The following NKAPD1 variants were observed in gnomAD, a reference collection of about 807,000 sequenced individuals.
NKAPD1 encodes the protein NKAP domain containing 1.
NKAPD1 carries 12 observed loss-of-function variants against 30.9 expected under a neutral mutation model. That is an observed-to-expected ratio of 0.39 (90% CI 0.25 to 0.63). The LOEUF is 0.63. NKAPD1 is among the 20% of genes least tolerant of loss of function. The pLI is 0.51. For missense variants in NKAPD1, 311 were observed against 344.5 expected, an observed-to-expected ratio of 0.90 and a Z score of 0.77; for synonymous variants, 91 against 113.6, an observed-to-expected ratio of 0.80 and a Z score of 1.26.
At chr11:112,080,586 A>C in intron 4 of NKAPD1, 28 bp downstream of exon 4, 1 of 1,607,960 alleles carries the variant, frequency 6.2e-7, no homozygotes, top group Non-Finnish European at 8.5e-7. Flanking sequence ...GTGAGCATTA[A>C]TATTTGGCCT....
In NKAPD1 at chr11:112,074,935, G is replaced by T. The variant is rs79945090; in HGVS notation, c.-9+19G>T. 9.9e-5 allele frequency: 16 copies of T among 161,942 alleles called. No individual in the cohort carries two copies. Among genetic ancestry groups the T allele is most frequent in the Non-Finnish European group, 2.7e-5 (2 of 74,642 alleles). 10.0% of individuals were successfully genotyped at this position (161,942 alleles called of 1,614,324 possible). A position where few individuals can be genotyped will look rare whatever the true frequency, so the allele number is the denominator to read the frequency against. On this transcript the variant is annotated intron_variant, in intron 1 of 5. Coordinates refer to ENST00000393047, the MANE Select transcript of NKAPD1 (RefSeq NM_018195.4). The stretch of plus-strand genomic sequence containing the variant: ...TCAAGGGGTGAGTGAGCGTTGGGGT[G>T]GTTGCACAAAGCTCCTGCTAGCTAC...
chr11:112,081,917 T>C, intron 4 of NKAPD1, 65 bp from the exon 5 acceptor site: 1 of 1,315,646 alleles, frequency 7.6e-7, no homozygotes, highest in East Asian at 2.3e-5. Context: ...GTCTTTCTAA[T>C]GTTGCTTTAA....
At chr11:112,079,105 G>A (rs1865390055) in intron 3 of NKAPD1, among the ~76,000 whole-genome samples, 1 of 150,794 alleles carries the variant, frequency 6.6e-6, no homozygotes, top group Non-Finnish European at 1.5e-5. Context: ...ATTCCTGCCA[G>A]CTAGACCAGT....
chr11:112,074,442 G>A lies in NKAPD1; in HGVS notation c.-483G>A, dbSNP rs1592759577. 1 of 399,120 alleles carries A rather than the reference G, an allele frequency of 2.5e-6. No individual in the cohort carries two copies. Among genetic ancestry groups the A allele is most frequent in the Admixed American group, 4.4e-5 (1 of 22,716 alleles). 24.7% of individuals were successfully genotyped at this position (399,120 alleles called of 1,614,324 possible). The stretch of plus-strand genomic sequence containing the variant: ...GAGCTCCGAGGCCGCTGGGGAACAG[G>A]GATCCCGGTGACAAAGATGGGGATA... On this transcript the variant is annotated 5_prime_UTR_variant, in exon 1 of 6. Transcript: ENST00000393047.
At chr11:112,075,005 C>G (rs576569027) in intron 1 of NKAPD1, 89 bp downstream of exon 1, 2 of 154,672 alleles carry the variant, frequency 1.3e-5, no homozygotes, top group Admixed American at 1.3e-4. Context: ...GCTTCCGTAG[C>G]AAGTAGGAAA....
Position 112,083,119 on chromosome 11 carries a change from T to C in NKAPD1, c.*147T>C. The C allele has an allele frequency of 1.3e-6, 1 of 755,174 alleles. No individual in the cohort carries two copies. The highest frequency in any genetic ancestry group is 1.9e-6 in the Non-Finnish European group (1 of 513,320). 46.8% of individuals were successfully genotyped at this position (755,174 alleles called of 1,614,324 possible). A position where few individuals can be genotyped will look rare whatever the true frequency, so the allele number is the denominator to read the frequency against. On this transcript the variant is annotated 3_prime_UTR_variant, in exon 6 of 6. Coordinates refer to ENST00000393047, the MANE Select transcript of NKAPD1 (RefSeq NM_018195.4). ...ATGTTCTGACAGACGTCTTGTCTTC[T>C]ATTTTGGCGTTAAGCTTGATCCCCT...
chr11:112,080,269 C>CTTTT (rs571411828), intron 3 of NKAPD1, 140 bp from the exon 4 acceptor site: 40 of 592,896 alleles, frequency 6.7e-5, no homozygotes, highest in South Asian at 1.1e-4. Flanking sequence ...ATGTCTTTGC[C>CTTTT]TTTTTTTTTT....
Position 112,078,309 on chromosome 11 carries a change from G to T in NKAPD1, c.164G>T (p.Ser55Ile). 6.2e-7 allele frequency: 1 copy of T among 1,608,928 alleles called. No homozygotes were observed. Among genetic ancestry groups the T allele is most frequent in the Non-Finnish European group, 8.5e-7 (1 of 1,176,664 alleles). Reference sequence around the variant, plus strand: ...ACCAAAAGGAAAATGCTACCCAGCAGTTCAAGGTGAAGTTGCAGCTCTGAG... The same window carrying T: ...ACCAAAAGGAAAATGCTACCCAGCATTTCAAGGTGAAGTTGCAGCTCTGAG... ...RGTKRKMLPS[S>I]SSRMRSDGFD... The change falls in exon 3 of 6, where the codon AGT becomes ATT. Residue 55 changes from serine (S) to isoleucine (I), a missense_variant. By Grantham distance (142) the Ser-to-Ile change is moderately radical. Transcript: ENST00000393047.
At chr11:112,078,885 A>G (rs908524926) in intron 3 of NKAPD1, among the ~76,000 whole-genome samples, 4 of 152,074 alleles carry the variant, frequency 2.6e-5, no homozygotes, top group Non-Finnish European at 4.4e-5. Flanking sequence ...CACCCTCTTC[A>G]CCAGATCAAC....
rs993804682 is a variant in NKAPD1 at position 112,083,128 on chromosome 11, G to T, written c.*156G>T. 26 of 688,690 alleles carry T rather than the reference G, an allele frequency of 3.8e-5. No homozygotes were observed. In the Admixed American group the frequency reaches 8.4e-4, roughly 22 times the overall value. The allele number at this position is 688,690 out of a possible 1,614,324, so 42.7% of individuals were successfully genotyped here. Reference sequence around the variant, plus strand: ...CAGACGTCTTGTCTTCTATTTTGGCGTTAAGCTTGATCCCCTTTTCTTGTT... The same window carrying T: ...CAGACGTCTTGTCTTCTATTTTGGCTTTAAGCTTGATCCCCTTTTCTTGTT... On this transcript the variant is annotated 3_prime_UTR_variant, in exon 6 of 6. Coordinates refer to ENST00000393047, the MANE Select transcript of NKAPD1 (RefSeq NM_018195.4).
chr11:112,074,497 AC>A lies in NKAPD1; in HGVS notation c.-423del. 1 of 398,174 alleles carries A rather than the reference AC, an allele frequency of 2.5e-6. No individual in the cohort carries two copies. Among genetic ancestry groups the A allele is most frequent in the South Asian group, 1.3e-4 (1 of 7,790 alleles). The allele number at this position is 398,174 out of a possible 1,614,324, so 24.7% of individuals were successfully genotyped here. ...CTCTGTCTTCCACTTGGAAACCTCA[AC>A]CCCCGCTTCAGGCTCCCTAGATACT... is the stretch of plus-strand genomic sequence containing the variant. On this transcript the variant is annotated 5_prime_UTR_variant, in exon 1 of 6. An upstream open reading frame in the 5' UTR loses its in-frame stop. Coordinates refer to ENST00000393047, the MANE Select transcript of NKAPD1 (RefSeq NM_018195.4).
At chr11:112,082,381 A>G (rs560296855) in intron 5 of NKAPD1, 84 bp from the exon 6 acceptor site, 5 of 1,232,078 alleles carry the variant, frequency 4.1e-6, no homozygotes, top group African/African-American at 3.1e-5. Flanking sequence ...GTTAACCTCA[A>G]TTTTTTAATC....
chr11:112,082,458 T>A lies in NKAPD1; in HGVS notation c.375-7T>A, dbSNP rs1865474491. On this transcript the variant is annotated splice_region_variant and splice_polypyrimidine_tract_variant and intron_variant, in intron 5 of 5. Transcript: ENST00000393047. ...AAAAGCTTCTATTTTTTAACTTTTC[T>A]TATTAGTAGTGATCAGCAAGATATT... The A allele has an allele frequency of 2.6e-6, 4 of 1,511,484 alleles. No homozygotes were observed. The highest frequency in any genetic ancestry group is 3.5e-6 in the Non-Finnish European group (4 of 1,132,868). The allele number at this position is 1,511,484 out of a possible 1,614,324, so 93.6% of individuals were successfully genotyped here. A position where few individuals can be genotyped will look rare whatever the true frequency, so the allele number is the denominator to read the frequency against.
At chr11:112,080,347 TTCCA>T in intron 3 of NKAPD1, 58 bp from the exon 4 acceptor site, 1 of 1,555,660 alleles carries the variant, frequency 6.4e-7, no homozygotes, top group African/African-American at 1.4e-5. Flanking sequence ...GTGCATGATG[TTCCA>T]TAAAGTAAAC....
At chr11:112,078,081 T>C (rs1455437826) in intron 2 of NKAPD1, 134 bp from the exon 3 acceptor site, 2 of 592,688 alleles carry the variant, frequency 3.4e-6, no homozygotes, top group Admixed American at 3.1e-5. Context: ...CTTGACCTCA[T>C]GATCTGCCTG....
chr11:112,082,538 A>C lies in NKAPD1; in HGVS notation c.448A>C (p.Lys150Gln), dbSNP rs746567858. 3.5e-5 allele frequency: 57 copies of C among 1,611,350 alleles called. No homozygotes were observed. Among genetic ancestry groups the C allele is most frequent in the Non-Finnish European group, 4.4e-5 (52 of 1,179,588 alleles). ...AAAGTCATCTACCCATGAATCCCGC[A>C]AACACAAGAAGTCAAAGAAATCCCA... is the stretch of plus-strand genomic sequence containing the variant. ...QVKSSTHESR[K>Q]HKKSKKSHKK... Residue 150 changes from lysine (K) to glutamine (Q), a missense_variant, in exon 6 of 6, where the codon AAA becomes CAA. Coordinates refer to ENST00000393047, the MANE Select transcript of NKAPD1 (RefSeq NM_018195.4).
At chr11:112,080,064 C>T (rs552192971) in intron 3 of NKAPD1, among the ~76,000 whole-genome samples, 1 of 152,150 alleles carries the variant, frequency 6.6e-6, no homozygotes, top group Non-Finnish European at 1.5e-5. Context: ...ATCCACTCGC[C>T]CCGGCCTCCC....
Position 112,074,428 on chromosome 11 carries a change from C to T in NKAPD1, c.-497C>T. 1 of 399,270 alleles carries T rather than the reference C, an allele frequency of 2.5e-6. No individual in the cohort carries two copies. The highest frequency in any genetic ancestry group is 4.4e-6 in the Non-Finnish European group (1 of 226,240). 24.7% of individuals were successfully genotyped at this position (399,270 alleles called of 1,614,324 possible). A position where few individuals can be genotyped will look rare whatever the true frequency, so the allele number is the denominator to read the frequency against. Reference sequence around the variant, plus strand: ...GGGAAGGTTACCGGGAGCTCCGAGGCCGCTGGGGAACAGGGATCCCGGTGA... The same window carrying T: ...GGGAAGGTTACCGGGAGCTCCGAGGTCGCTGGGGAACAGGGATCCCGGTGA... On this transcript the variant is annotated 5_prime_UTR_variant, in exon 1 of 6. Transcript: ENST00000393047.
At chr11:112,080,269 C>CTTTTT (rs571411828) in intron 3 of NKAPD1, 140 bp from the exon 4 acceptor site, 8 of 593,188 alleles carry the variant, frequency 1.3e-5, no homozygotes, top group Admixed American at 7.3e-5. Flanking sequence ...ATGTCTTTGC[C>CTTTTT]TTTTTTTTTT....
Sources: gnomAD v4.1 joint callset for allele counts (sites outside exome capture counted in the v4.1 genomes callset) on GRCh38, gnomAD v4.1.1 for gene constraint, MANE v1.5 for transcripts, NCBI Gene and HGNC (gene_info 2026-07-23, HGNC 2026-07-21) for gene names.